The following RSPH1 variants were observed in gnomAD, a reference collection of about 807,000 sequenced individuals.
RSPH1 encodes radial spoke head component 1.
In RSPH1, 32 loss-of-function variants were observed where a neutral mutation model predicts 44.2. That is an observed-to-expected ratio of 0.72 (90% CI 0.55 to 0.97). The LOEUF (loss-of-function observed/expected upper bound fraction) is 0.97, where lower values mean the gene tolerates loss of function less well. RSPH1 is among the 50% of genes least tolerant of loss of function. The probability of loss-of-function intolerance (pLI) is 0.00; values close to 1 mark genes in which losing one functional copy is unlikely to be tolerated. For missense variants in RSPH1, 391 were observed against 398.7 expected (o/e 0.98, Z 0.16); for synonymous variants, 134 against 147.3 (o/e 0.91, Z 0.65).
At chr21:42,478,006 G>C (rs1401195502) in intron 6 of RSPH1, among the ~76,000 whole-genome samples, 1 of 152,174 alleles carries the variant, frequency 6.6e-6, no homozygotes, top group Non-Finnish European at 1.5e-5. Context: ...AAACGCAAAA[G>C]CTCAAGTGTC....
rs181677142 is a variant in RSPH1, at chr21:42,475,274, C to T, written c.877+624G>A. ...GTTCCCGACACCACTAGTCTGAAACCATACTCCTGTTAGTCAGCCCTGCTA... is the reference window on the plus strand; with the variant it reads ...GTTCCCGACACCACTAGTCTGAAACTATACTCCTGTTAGTCAGCCCTGCTA... On this transcript the variant is annotated intron_variant, in intron 8 of 8. Coordinates refer to ENST00000291536, the MANE Select transcript of RSPH1 (RefSeq NM_080860.4). Among the ~76,000 whole-genome samples the T allele has an allele frequency of 1.2e-3, 177 of 152,266 alleles. 3 individuals carry two copies. Among genetic ancestry groups the T allele is most frequent in the Non-Finnish European group, 5.6e-4 (38 of 68,020 alleles).
At chr21:42,485,893 GCC>G in intron 4 of RSPH1, 89 bp from the exon 5 acceptor site, 4 of 1,539,764 alleles carry the variant, frequency 2.6e-6, no homozygotes, top group Non-Finnish European at 3.6e-6. Flanking sequence ...ATTGAGGGAG[GCC>G]CAGGCTGTTG....
At position 42,482,703 on chromosome 21, in the gene RSPH1, A is replaced by G. The variant is rs1318503560; in HGVS notation, c.507T>C (p.Val169=). Residue 169 remains valine (V), a synonymous_variant, in exon 6 of 9, where the codon GTT becomes GTC. Transcript: ENST00000291536. ...YQGKFLNKNP[V]GPGKYVFDVG... is the part of the protein sequence containing the mutation. ...CATCAAATACATACTTTCCAGGGCC[A>G]ACAGGCTACGAGCAAAGAGAAACCA... is the stretch of plus-strand genomic sequence containing the variant. 1 of 1,612,164 alleles carries G rather than the reference A, an allele frequency of 6.2e-7. No homozygotes were observed. Among genetic ancestry groups the G allele is most frequent in the Admixed American group, 1.7e-5 (1 of 59,774 alleles).
At chr21:42,485,098 A>G (rs2054165160) in intron 5 of RSPH1, 1 of 152,916 alleles carries the variant, frequency 6.5e-6, no homozygotes, top group Non-Finnish European at 1.5e-5. Flanking sequence ...CAATAAGGGC[A>G]AGAGGAACCA....
At chr21:42,485,408 A>T (rs374809925) in intron 5 of RSPH1, 1 of 513,156 alleles carries the variant, frequency 1.9e-6, no homozygotes. Context: ...TTATATAACA[A>T]TGCAACAGGT....
intron 3 of RSPH1, 54 bp downstream of exon 3, chr21:42,492,704 T>C: frequency 1.9e-6 from 2 of 1,044,260 alleles, no homozygotes; most frequent in South Asian, 1.3e-5. Flanking sequence ...AGTTCAGTCA[T>C]AAAGAAAGAA....
chr21:42,477,473 C>A, intron 6 of RSPH1, 29 bp from the exon 7 acceptor site: 1 of 1,608,348 alleles, frequency 6.2e-7, no homozygotes, highest in Non-Finnish European at 8.5e-7. Flanking sequence ...TGTACATTTA[C>A]CAACATTTGT....
intron 1 of RSPH1, chr21:42,495,928 C>A: frequency 1.7e-6 from 1 of 581,184 alleles, no homozygotes; most frequent in Non-Finnish European, 3.1e-6. Context: ...CATGTGGTAA[C>A]CAGACGTCAC....
rs766780412 is a variant in RSPH1 at position 42,485,697 on chromosome 21, C to A, written c.473G>T (p.Arg158Met). The change falls in exon 5 of 9, where the codon AGG (arginine) becomes ATG (methionine). Residue 158 changes from arginine (R) to methionine (M), a missense_variant. By Grantham distance (91) the Arg-to-Met change is moderately conservative. Coordinates refer to ENST00000291536, the MANE Select transcript of RSPH1 (RefSeq NM_080860.4). ...GTAELIHLNH[R>M]YQGKFLNKNP... ...TTTGTTCAAGAACTTGCCCTGGTAC[C>A]TGTGGTTCAGGTGAATGAGCTCGGC... 3.1e-6 allele frequency: 5 copies of A among 1,614,228 alleles called. No homozygotes were observed. The highest frequency in any genetic ancestry group is 4.2e-6 in the Non-Finnish European group (5 of 1,180,038).
At chr21:42,495,194 C>T (rs1201494219) in intron 1 of RSPH1, among the ~76,000 whole-genome samples, 2 of 152,162 alleles carry the variant, frequency 1.3e-5, no homozygotes, top group East Asian at 3.9e-4. Context: ...GCTGTCTGGC[C>T]GGATGTGAAT....
rs747395137 is a variant in RSPH1, at chr21:42,477,367, C to T, written c.651G>A (p.Leu217=). 2.5e-5 allele frequency: 40 copies of T among 1,610,782 alleles called. No homozygotes were observed. The highest frequency in any genetic ancestry group is 5.4e-5 in the African/African-American group (4 of 73,918). ...TGGGGAGAGTTGGTGTCCACAGGGC[C>T]AATTCAGTGATTTGGGTAGCTTTCC... ...PKWKATQITE[L]ALWTPTLPKK... The change falls in exon 7 of 9, where the codon TTG becomes TTA. Residue 217 remains leucine, a synonymous_variant. Coordinates refer to ENST00000291536, the MANE Select transcript of RSPH1 (RefSeq NM_080860.4).
intron 3 of RSPH1, 30 bp from the exon 4 acceptor site, chr21:42,486,491 G>A (rs1417955975): frequency 1.3e-6 from 2 of 1,529,128 alleles, no homozygotes; most frequent in Non-Finnish European, 1.8e-6. Context: ...GGCAAGCCCA[G>A]GTGAGAAGAA....
At chr21:42,477,520 AG>A in intron 6 of RSPH1, 76 bp from the exon 7 acceptor site, 1 of 1,509,806 alleles carries the variant, frequency 6.6e-7, no homozygotes, top group Admixed American at 1.7e-5. Flanking sequence ...TGAGGGAGGA[AG>A]GACAAGTTTT....
intron 6 of RSPH1, among the ~76,000 whole-genome samples, chr21:42,477,931 C>G (rs1251968556): frequency 6.6e-6 from 1 of 152,012 alleles, no homozygotes; most frequent in Non-Finnish European, 1.5e-5. Context: ...ATAAAAGAAA[C>G]AGCCATTTGT....
chr21:42,495,770 C>T (rs1216676519), intron 1 of RSPH1, among the ~76,000 whole-genome samples: 1 of 152,148 alleles, frequency 6.6e-6, no homozygotes, highest in Non-Finnish European at 1.5e-5. Context: ...TATTCAAGGG[C>T]AGTATGGCAG....
At position 42,495,262 on chromosome 21, in the gene RSPH1, G is replaced by T. The variant is rs566583062; in HGVS notation, c.54+871C>A. ...GTAGTTCCAGCGCACAGAGGTGATA[G>T]CTTGAGTAGCAAATCAGGCGGAAGC... On this transcript the variant is annotated intron_variant, in intron 1 of 8. Coordinates refer to ENST00000291536, the MANE Select transcript of RSPH1 (RefSeq NM_080860.4). Among the ~76,000 whole-genome samples, 138 of 152,364 alleles carry T rather than the reference G, an allele frequency of 9.1e-4. No homozygotes were observed. In the Middle Eastern group the frequency reaches 0.014, roughly 15 times the overall value.
chr21:42,483,182 T>A (rs1436849379), intron 5 of RSPH1, among the ~76,000 whole-genome samples: 1 of 152,176 alleles, frequency 6.6e-6, no homozygotes, highest in Non-Finnish European at 1.5e-5. Context: ...CTTTATTTCA[T>A]CTATGGATTG....
At chr21:42,495,112 C>T (rs2054274506) in intron 1 of RSPH1, among the ~76,000 whole-genome samples, 1 of 152,222 alleles carries the variant, frequency 6.6e-6, no homozygotes, top group South Asian at 2.1e-4. Context: ...CCAGACTTGG[C>T]CTAATCCAAC....
intron 6 of RSPH1, among the ~76,000 whole-genome samples, chr21:42,481,292 G>C (rs1320219901): frequency 6.6e-6 from 1 of 152,076 alleles, no homozygotes; most frequent in African/African-American, 2.4e-5. Context: ...TCCATCATGA[G>C]TGGAAGCTTC....
Sources: allele counts gnomAD v4.1 joint callset (sites outside exome capture counted in the v4.1 genomes callset), GRCh38; gene constraint gnomAD v4.1.1; transcripts MANE v1.5; gene names NCBI Gene and HGNC (gene_info 2026-07-23, HGNC 2026-07-21).